ABT1: variants seen among roughly 807,000 people sequenced by gnomAD.
The protein encoded by ABT1 is TATA-binding protein-binding protein.
A neutral mutation model predicts 14.0 loss-of-function variants in ABT1; 13 were observed. The ratio of observed to expected loss-of-function variants is 0.93; its 90% CI spans 0.61 to 1.48. The LOEUF (loss-of-function observed/expected upper bound fraction) is 1.48, where lower values mean the gene tolerates loss of function less well. Ranked by LOEUF, ABT1 falls within the 40% of genes most tolerant of loss-of-function variation. ABT1 has a pLI of 0.00. For missense variants in ABT1, 430 were observed against 380.0 expected (o/e 1.13, Z -1.09); for synonymous variants, 165 against 144.6 (o/e 1.14, Z -1.01).
chr6:26,598,098 T>G lies in ABT1; in HGVS notation c.426T>G (p.Leu142=). Residue 142 remains leucine (L), a synonymous_variant, in exon 2 of 3, where the codon CTT becomes CTG. Transcript: ENST00000274849. ...GGCGCAGCCCCTTCCGTTATGATCTTTGGAACCTCAAGGTGAGAAGATAGA... is the reference window on the plus strand; with the variant it reads ...GGCGCAGCCCCTTCCGTTATGATCTGTGGAACCTCAAGGTGAGAAGATAGA... ...ARRRSPFRYD[L]WNLKYLHRFT... 1 of 1,609,564 alleles carries G rather than the reference T, an allele frequency of 6.2e-7. No homozygotes were observed. The highest frequency in any genetic ancestry group is 1.7e-5 in the Admixed American group (1 of 59,772).
At chr6:26,597,831 G>C (rs953496079) in intron 1 of ABT1, 83 bp from the exon 2 acceptor site, 2 of 1,408,046 alleles carry the variant, frequency 1.4e-6, no homozygotes, top group African/African-American at 2.9e-5. Flanking sequence ...TGGCAGATGT[G>C]AAGAACGTTG....
chr6:26,597,314 G>T, intron 1 of ABT1, 91 bp downstream of exon 1: 4 of 1,548,698 alleles, frequency 2.6e-6, no homozygotes, highest in Non-Finnish European at 3.5e-6. Context: ...GCTGCGCGAG[G>T]CTGAGGCACG....
At position 26,598,931 on chromosome 6, in the gene ABT1, A is replaced by C; in HGVS notation, c.*286A>C. ...CTGCCTACGTCTGTAGGGTCCCCTG[A>C]AAATCCCACTTCCTGCCCCCAGAAA... On this transcript the variant is annotated 3_prime_UTR_variant, in exon 3 of 3. Transcript: ENST00000274849. The C allele has an allele frequency of 3.4e-6, 1 of 297,296 alleles. No individual in the cohort carries two copies. The highest frequency in any genetic ancestry group is 6.2e-6 in the Non-Finnish European group (1 of 161,138). 18.4% of individuals were successfully genotyped at this position (297,296 alleles called of 1,614,324 possible). A position where few individuals can be genotyped will look rare whatever the true frequency, so the allele number is the denominator to read the frequency against.
At position 26,599,338 on chromosome 6, in the gene ABT1, A is replaced by C. The variant is rs954465850; in HGVS notation, c.*693A>C. The C allele has an allele frequency of 2.0e-5, 3 of 151,876 alleles. No individual in the cohort carries two copies. Among genetic ancestry groups the C allele is most frequent in the African/African-American group, 7.3e-5 (3 of 41,292 alleles). 9.4% of individuals were successfully genotyped at this position (151,876 alleles called of 1,614,324 possible). ...TATCAATCAGTTATCTTAAGTCAGCATTTTCTAAGCCATTGTTTGAGGAAA... is the reference window on the plus strand; with the variant it reads ...TATCAATCAGTTATCTTAAGTCAGCCTTTTCTAAGCCATTGTTTGAGGAAA... On this transcript the variant is annotated 3_prime_UTR_variant, in exon 3 of 3. Transcript: ENST00000274849.
At position 26,598,437 on chromosome 6, in the gene ABT1, G is replaced by A. The variant is rs375548433; in HGVS notation, c.611G>A (p.Arg204His). 10 of 1,614,088 alleles carry A rather than the reference G, an allele frequency of 6.2e-6. No homozygotes were observed. Among genetic ancestry groups the A allele is most frequent in the African/African-American group, 2.7e-5 (2 of 74,942 alleles). Residue 204 changes from arginine (R) to histidine (H), a missense_variant, in exon 3 of 3, where the codon CGC becomes CAC. Arg to His is a conservative substitution (Grantham distance 29, BLOSUM62 0). Coordinates refer to ENST00000274849, the MANE Select transcript of ABT1 (RefSeq NM_013375.4). The stretch of plus-strand genomic sequence containing the variant: ...CTTGCGGCCGATGGGGACCCTGCTC[G>A]CCCAGATGGCTCCTGGACATTTGCC... ...RFLAADGDPA[R>H]PDGSWTFAQR...
chr6:26,598,179 C>T, intron 2 of ABT1, 69 bp downstream of exon 2: 1 of 1,574,830 alleles, frequency 6.3e-7, no homozygotes, highest in South Asian at 1.2e-5. Context: ...CAAGTATCCC[C>T]ATGGCCTCTC....
At chr6:26,597,372 GGT>G in intron 1 of ABT1, 149 bp downstream of exon 1, 3 of 1,227,452 alleles carry the variant, frequency 2.4e-6, no homozygotes, top group Non-Finnish European at 2.2e-6. Flanking sequence ...GCTCCTGGCT[GGT>G]GAATCAGTCT....
Position 26,597,198 on chromosome 6 carries a change from C to T in ABT1, c.216C>T (p.Val72=). Residue 72 remains valine (V), a synonymous_variant, in exon 1 of 3, where the codon GTC becomes GTT. Coordinates refer to ENST00000274849, the MANE Select transcript of ABT1 (RefSeq NM_013375.4). The stretch of plus-strand genomic sequence containing the variant: ...ACCTTCTCAGCGCCTATGGCGAGGT[C>T]GGACGCGTCTTCTTTCAGGCTGAGG... ...VRNLLSAYGE[V]GRVFFQAEDR... The T allele has an allele frequency of 6.2e-7, 1 of 1,614,230 alleles. No homozygotes were observed. The highest frequency in any genetic ancestry group is 8.5e-7 in the Non-Finnish European group (1 of 1,180,034).
chr6:26,598,727 C>A lies in ABT1; in HGVS notation c.*82C>A. On this transcript the variant is annotated 3_prime_UTR_variant, in exon 3 of 3. Coordinates refer to ENST00000274849, the MANE Select transcript of ABT1 (RefSeq NM_013375.4). ...ACTAGAATGATCGTGACTACCCGGG[C>A]AGACATTTTACTGTGTTTCTCAGAC... 1 of 1,469,954 alleles carries A rather than the reference C, an allele frequency of 6.8e-7. No individual in the cohort carries two copies. Among genetic ancestry groups the A allele is most frequent in the African/African-American group, 1.4e-5 (1 of 71,098 alleles). The allele number at this position is 1,469,954 out of a possible 1,614,324, so 91.1% of individuals were successfully genotyped here.
intron 1 of ABT1, 144 bp downstream of exon 1, chr6:26,597,367 T>G: frequency 3.4e-6 from 3 of 883,416 alleles, no homozygotes; most frequent in Non-Finnish European, 4.6e-6. Context: ...GCTTGGCTCC[T>G]GGCTGGTGAA....
chr6:26,597,110 T>G lies in ABT1; in HGVS notation c.128T>G (p.Val43Gly). 6.2e-7 allele frequency: 1 copy of G among 1,613,736 alleles called. No homozygotes were observed. Among genetic ancestry groups the G allele is most frequent in the Non-Finnish European group, 8.5e-7 (1 of 1,179,922 alleles). Residue 43 changes from valine (V) to glycine (G), a missense_variant, in exon 1 of 3, where the codon GTA (valine) becomes GGA (glycine). By Grantham distance (109) the Val-to-Gly change is moderately radical (BLOSUM62 -3). Coordinates refer to ENST00000274849, the MANE Select transcript of ABT1 (RefSeq NM_013375.4). Reference sequence around the variant, plus strand: ...GCGGCCTGTGGCAGCAAGAAACGGGTAGTGCCAGGTATTGTGTACCTGGGC... The same window carrying G: ...GCGGCCTGTGGCAGCAAGAAACGGGGAGTGCCAGGTATTGTGTACCTGGGC... ...EEAACGSKKR[V>G]VPGIVYLGHI...
intron 1 of ABT1, 39 bp downstream of exon 1, chr6:26,597,262 T>C (rs782411432): frequency 2.5e-6 from 4 of 1,602,222 alleles, no homozygotes; most frequent in Non-Finnish European, 3.4e-6. Flanking sequence ...GAGGAGGTTG[T>C]CGCTCGCTGG....
chr6:26,597,195 G>A lies in ABT1; in HGVS notation c.213G>A (p.Glu71=), dbSNP rs781845250. ...HVRNLLSAYG[E]VGRVFFQAED... ...GCAACCTTCTCAGCGCCTATGGCGA[G>A]GTCGGACGCGTCTTCTTTCAGGCTG... The change falls in exon 1 of 3, where the codon GAG becomes GAA. Residue 71 remains glutamate, a synonymous_variant. Coordinates refer to ENST00000274849, the MANE Select transcript of ABT1 (RefSeq NM_013375.4). 14 of 1,614,130 alleles carry A rather than the reference G, an allele frequency of 8.7e-6. No individual in the cohort carries two copies. Among genetic ancestry groups the A allele is most frequent in the Non-Finnish European group, 7.6e-6 (9 of 1,180,048 alleles).
chr6:26,598,326 G>T lies in ABT1; in HGVS notation c.500G>T (p.Arg167Leu), dbSNP rs1554144783. ...CACCTCGCCTTTGAGCGCCAGGTGCGCAGGCAGCGCTTGAGAGCGGAGGTT... is the reference window on the plus strand; with the variant it reads ...CACCTCGCCTTTGAGCGCCAGGTGCTCAGGCAGCGCTTGAGAGCGGAGGTT... The part of the protein sequence containing the change: ...SEHLAFERQV[R>L]RQRLRAEVAQ... The change falls in exon 3 of 3, where the codon CGC becomes CTC. Residue 167 changes from arginine to leucine, a missense_variant. By Grantham distance (102) the Arg-to-Leu change is moderately radical. Transcript: ENST00000274849. 3 of 1,614,254 alleles carry T rather than the reference G, an allele frequency of 1.9e-6. No individual in the cohort carries two copies. Among genetic ancestry groups the T allele is most frequent in the Non-Finnish European group, 2.5e-6 (3 of 1,180,040 alleles).
In ABT1 at chr6:26,597,062, AG is replaced by A. The variant is rs782771835; in HGVS notation, c.82del (p.Glu28SerfsTer16). 6.2e-7 allele frequency: 1 copy of A among 1,613,946 alleles called. No individual in the cohort carries two copies. The highest frequency in any genetic ancestry group is 8.5e-7 in the Non-Finnish European group (1 of 1,180,010). On this transcript the variant is annotated frameshift_variant, in exon 1 of 3. Transcript: ENST00000274849. LOFTEE classifies it high-confidence loss of function. ...EGTEQTLDAEEEQEESEEAAC... is the reference protein window; with the variant it reads ...EGTEQTLDAEXEQEESEEAAC... ...ACAGAACAGACACTAGATGCGGAGG[AG>A]GAGCAGGAGGAATCCGAAGAAGCGG... is the stretch of plus-strand genomic sequence containing the variant.
chr6:26,597,323 C>T (rs768264446), intron 1 of ABT1, 100 bp downstream of exon 1: 99 of 1,436,904 alleles, frequency 6.9e-5, no homozygotes, highest in Non-Finnish European at 8.9e-5. Flanking sequence ...GGCTGAGGCA[C>T]GAGTTGCTGG....
rs1554144532 is a variant in ABT1 at position 26,597,028 on chromosome 6, C to T, written c.46C>T (p.Leu16=). 1.2e-6 allele frequency: 2 copies of T among 1,613,500 alleles called. No homozygotes were observed. Among genetic ancestry groups the T allele is most frequent in the Non-Finnish European group, 1.7e-6 (2 of 1,179,990 alleles). The change falls in exon 1 of 3, where the codon CTG becomes TTG. Residue 16 remains leucine (L), a synonymous_variant. Coordinates refer to ENST00000274849, the MANE Select transcript of ABT1 (RefSeq NM_013375.4). ...SEKAATEQEP[L]EGTEQTLDAE... ...GAAGGCCGCAACGGAGCAAGAGCCG[C>T]TGGAAGGGACAGAACAGACACTAGA...
Position 26,598,555 on chromosome 6 carries a change from C to T in ABT1, c.729C>T (p.Ala243=), listed in dbSNP as rs1764936387. ...RARLATAQDK[A]RSNKGLLARI... is the part of the protein sequence containing the mutation. ...GCCTGGCAACTGCCCAGGACAAGGC[C>T]CGCTCCAACAAAGGGCTCCTGGCCA... Residue 243 remains alanine, a synonymous_variant, in exon 3 of 3, where the codon GCC becomes GCT. Transcript: ENST00000274849. 6.2e-7 allele frequency: 1 copy of T among 1,610,986 alleles called. No individual in the cohort carries two copies. Among genetic ancestry groups the T allele is most frequent in the African/African-American group, 1.3e-5 (1 of 74,884 alleles).
rs1365681724 is a variant in ABT1 at position 26,599,145 on chromosome 6, T to C, written c.*500T>C. 6.6e-6 allele frequency: 1 copy of C among 152,168 alleles called. No individual in the cohort carries two copies. The highest frequency in any genetic ancestry group is 1.5e-5 in the Non-Finnish European group (1 of 68,040). 9.4% of individuals were successfully genotyped at this position (152,168 alleles called of 1,614,324 possible). A position where few individuals can be genotyped will look rare whatever the true frequency, so the allele number is the denominator to read the frequency against. Reference sequence around the variant, plus strand: ...AAAATAAAAATATTTTTATGTGCCTTTTTATTTTTGTTGGTGGGGAGGTCA... The same window carrying C: ...AAAATAAAAATATTTTTATGTGCCTCTTTATTTTTGTTGGTGGGGAGGTCA... On this transcript the variant is annotated 3_prime_UTR_variant, in exon 3 of 3. Transcript: ENST00000274849.
Sources: allele counts gnomAD v4.1 joint callset, GRCh38; gene constraint gnomAD v4.1.1; transcripts MANE v1.5; gene names NCBI Gene and HGNC (gene_info 2026-07-23, HGNC 2026-07-21).